The following PTPRD variants were observed in gnomAD, a reference collection of about 807,000 sequenced individuals.
The protein encoded by PTPRD is protein tyrosine phosphatase receptor type D.
Under a neutral mutation model 214.5 loss-of-function variants are expected in PTPRD, and 34 were observed. That is an observed-to-expected ratio of 0.16 (90% CI 0.12 to 0.21). PTPRD has a LOEUF of 0.21. Among genes scored for constraint, PTPRD ranks in the 10% least tolerant of loss-of-function variants. The pLI is 1.00. For synonymous variants in PTPRD, 1,128 were observed against 845.7 expected (o/e 1.33, Z -5.79); for missense variants, 2,545 against 2,398.7 (o/e 1.06, Z -1.27).
At chr9:8,567,513 G>A (rs1270689863) in intron 14 of PTPRD, among the ~76,000 whole-genome samples, 2 of 152,168 alleles carry the variant, frequency 1.3e-5, no homozygotes, top group Admixed American at 6.5e-5. Flanking sequence ...TCACTGACCT[G>A]AGTTCTTTGA....
chr9:8,611,541 C>CA lies in PTPRD; in HGVS notation c.352+21775dup, dbSNP rs540498804. On this transcript the variant is annotated intron_variant, in intron 14 of 45. Coordinates refer to ENST00000381196, the MANE Select transcript of PTPRD (RefSeq NM_002839.4). The stretch of plus-strand genomic sequence containing the variant: ...GCAACATGACAAAACCCTGTCTCTA[C>CA]AAAAAATACAAAAATTAGCAGGGCA... 3.1e-3 allele frequency among the ~76,000 whole-genome samples: 469 copies of CA among 151,888 alleles called. 2 individuals carry two copies. Among genetic ancestry groups the CA allele is most frequent in the Middle Eastern group, 6.8e-3 (2 of 294 alleles).
At chr9:10,252,148 T>TA (rs1564800110) in intron 3 of PTPRD, among the ~76,000 whole-genome samples, 2 of 151,376 alleles carry the variant, frequency 1.3e-5, no homozygotes, top group African/African-American at 4.9e-5. Flanking sequence ...TTTTTTAAAC[T>TA]AAAAAAGAGA....
At chr9:9,264,851 C>A (rs547220922) in intron 9 of PTPRD, among the ~76,000 whole-genome samples, 1 of 150,776 alleles carries the variant, frequency 6.6e-6, no homozygotes, top group African/African-American at 2.4e-5. Context: ...TCAGCAGAAG[C>A]CTTGCAGGCC....
intron 12 of PTPRD, among the ~76,000 whole-genome samples, chr9:8,700,131 T>C (rs1382588262): frequency 6.6e-6 from 1 of 152,218 alleles, no homozygotes; most frequent in African/African-American, 2.4e-5. Context: ...ATTTTCCAAA[T>C]TTCACTCCCT....
chr9:10,369,420 G>A (rs1412063026), intron 2 of PTPRD, among the ~76,000 whole-genome samples: 1 of 151,956 alleles, frequency 6.6e-6, no homozygotes, highest in African/African-American at 2.4e-5. Flanking sequence ...ACAGAGTGGA[G>A]ACAGTAGTGA....
At chr9:8,494,234 G>T (rs1436542460) in intron 26 of PTPRD, among the ~76,000 whole-genome samples, 1 of 152,072 alleles carries the variant, frequency 6.6e-6, no homozygotes, top group African/African-American at 2.4e-5. Flanking sequence ...GAGCTCAATT[G>T]TTGAAGCTGA....
chr9:8,844,706 A>G (rs1488254707), intron 11 of PTPRD, among the ~76,000 whole-genome samples: 1 of 152,206 alleles, frequency 6.6e-6, no homozygotes, highest in Non-Finnish European at 1.5e-5. Context: ...ATGGTCCAAT[A>G]ATAGCCAAAT....
chr9:8,912,710 T>C (rs2098756514), intron 11 of PTPRD, among the ~76,000 whole-genome samples: 1 of 152,200 alleles, frequency 6.6e-6, no homozygotes, highest in Non-Finnish European at 1.5e-5. Context: ...AGGAAATGTA[T>C]AATTTTTTAA....
chr9:10,590,006 CA>C (rs1246594446), intron 2 of PTPRD, among the ~76,000 whole-genome samples: 1 of 151,878 alleles, frequency 6.6e-6, no homozygotes, highest in African/African-American at 2.4e-5. Flanking sequence ...GAAAGAAGTA[CA>C]AAACTAATTG....
chr9:10,060,833 TTC>T (rs1567404699), intron 3 of PTPRD, among the ~76,000 whole-genome samples: 13 of 128,462 alleles, frequency 1.0e-4, no homozygotes, highest in African/African-American at 5.2e-4. Flanking sequence ...TCTTTCTTCC[TTC>T]CTTCCTTCCT....
chr9:9,227,594 T>C (rs560780471), intron 9 of PTPRD, among the ~76,000 whole-genome samples: 1 of 152,268 alleles, frequency 6.6e-6, no homozygotes, highest in East Asian at 1.9e-4. Context: ...AGAATAAAGC[T>C]CAAGTAATCA....
rs2066944486 is a variant in PTPRD at position 9,394,325 on chromosome 9, G to A, written c.-203+3124C>T. On this transcript the variant is annotated intron_variant, in intron 9 of 45. Transcript: ENST00000381196. ...TCACTAGAAGGACATCTCCATAGGG[G>A]AAGATATTTTATTGCCTTTAGTGCT... 2.0e-5 allele frequency among the ~76,000 whole-genome samples: 3 copies of A among 152,214 alleles called. No individual in the cohort carries two copies. In the South Asian group the frequency reaches 6.2e-4, roughly 32 times the overall value.
At chr9:9,349,989 C>A (rs996073478) in intron 9 of PTPRD, among the ~76,000 whole-genome samples, 1 of 152,034 alleles carries the variant, frequency 6.6e-6, no homozygotes, top group Non-Finnish European at 1.5e-5. Context: ...TAGATGTAAC[C>A]TTGGTCCTTG....
At chr9:9,840,673 G>T (rs948864263) in intron 5 of PTPRD, among the ~76,000 whole-genome samples, 1 of 148,012 alleles carries the variant, frequency 6.8e-6, no homozygotes, top group African/African-American at 2.5e-5. Context: ...TGAGGCAGGA[G>T]AATCGCTTGA....
At chr9:10,310,641 A>C (rs762334347) in intron 3 of PTPRD, among the ~76,000 whole-genome samples, 5 of 152,134 alleles carry the variant, frequency 3.3e-5, no homozygotes, top group Non-Finnish European at 5.9e-5. Flanking sequence ...GTTCTTGGGG[A>C]AAGTGTTTAC....
intron 39 of PTPRD, among the ~76,000 whole-genome samples, chr9:8,374,249 C>T (rs1174490921): frequency 1.3e-5 from 2 of 151,216 alleles, no homozygotes; most frequent in African/African-American, 2.4e-5. Context: ...TATCTGAAAA[C>T]AATTCATGTG....
intron 5 of PTPRD, among the ~76,000 whole-genome samples, chr9:9,917,291 T>C (rs1447315045): frequency 9.7e-6 from 1 of 103,332 alleles, no homozygotes; most frequent in Non-Finnish European, 1.9e-5. Flanking sequence ...TGACAAGCCA[T>C]TAGCTAGACT....
At chr9:9,619,297 G>A (rs1323145581) in intron 7 of PTPRD, among the ~76,000 whole-genome samples, 2 of 151,764 alleles carry the variant, frequency 1.3e-5, no homozygotes, top group Non-Finnish European at 2.9e-5. Context: ...GAGACTAGAC[G>A]ATTAAGATAC....
intron 9 of PTPRD, among the ~76,000 whole-genome samples, chr9:9,220,642 C>T (rs1331540650): frequency 2.0e-5 from 3 of 151,986 alleles, no homozygotes; most frequent in South Asian, 2.1e-4. Context: ...ATTTGCATTT[C>T]GGGGGGTTGA....
Sources: gnomAD v4.1 joint callset for allele counts (sites outside exome capture counted in the v4.1 genomes callset) on GRCh38, gnomAD v4.1.1 for gene constraint, MANE v1.5 for transcripts, NCBI Gene and HGNC (gene_info 2026-07-23, HGNC 2026-07-21) for gene names.